RAB3IL1: variants seen among roughly 807,000 people sequenced by gnomAD.
RAB3IL1 encodes RAB3A interacting protein like 1, also known as guanine nucleotide exchange factor for Rab-3A.
In RAB3IL1, 37 loss-of-function variants were observed where a neutral mutation model predicts 49.2. The observed-to-expected ratio is 0.75, with a 90% CI of 0.58 to 0.99. RAB3IL1 has a LOEUF of 0.99. Ranked by LOEUF, RAB3IL1 falls within the 50% of genes least tolerant of loss-of-function variation. RAB3IL1 has a pLI of 0.00. For missense variants in RAB3IL1, 484 were observed against 513.0 expected (o/e 0.94, Z 0.55); for synonymous variants, 193 against 213.9 (o/e 0.90, Z 0.85).
In RAB3IL1 at chr11:61,912,684, C is replaced by T. The variant is rs550596750; in HGVS notation, c.12-4378G>A. ...AACTGAATGCAGAGTACAGGCATAG[C>T]GTATCACGTGGCCTGTCACCCAGAG... On this transcript the variant is annotated intron_variant, in intron 1 of 9. Coordinates refer to ENST00000394836, the MANE Select transcript of RAB3IL1 (RefSeq NM_013401.4). Among the ~76,000 whole-genome samples, 78 of 152,220 alleles carry T rather than the reference C, an allele frequency of 5.1e-4. 1 individual carries two copies. Among genetic ancestry groups the T allele is most frequent in the Non-Finnish European group, 2.9e-5 (2 of 68,026 alleles).
intron 1 of RAB3IL1, among the ~76,000 whole-genome samples, chr11:61,910,944 C>G (rs1939428236): frequency 6.6e-6 from 1 of 152,242 alleles, no homozygotes; most frequent in Non-Finnish European, 1.5e-5. Flanking sequence ...CGAGGAGAAC[C>G]AGGCTGCCGG....
chr11:61,898,194 G>T lies in RAB3IL1; in HGVS notation c.*84C>A. The T allele has an allele frequency of 7.5e-7, 1 of 1,327,708 alleles. No individual in the cohort carries two copies. Among genetic ancestry groups the T allele is most frequent in the Non-Finnish European group, 1.1e-6 (1 of 942,254 alleles). 82.2% of individuals were successfully genotyped at this position (1,327,708 alleles called of 1,614,324 possible). A position where few individuals can be genotyped will look rare whatever the true frequency, so the allele number is the denominator to read the frequency against. On this transcript the variant is annotated 3_prime_UTR_variant, in exon 10 of 10. Transcript: ENST00000394836. This position sits in a 1 kb window ranked among gnomAD's most constrained non-coding sequence, Gnocchi z 5.1. The stretch of plus-strand genomic sequence containing the variant: ...TGCCTCTGGCTCAGGGCTGGCTCCA[G>T]GCCCCCGTCTCCCTGTGTGTCGGCT...
intron 1 of RAB3IL1, among the ~76,000 whole-genome samples, chr11:61,913,250 G>T (rs1939538390): frequency 1.3e-5 from 2 of 152,140 alleles, no homozygotes; most frequent in East Asian, 3.8e-4. Context: ...GGGACCCGGG[G>T]ATGAAAGAGA....
At chr11:61,937,822 A>G in the RAB3IL1 span, 1 of 152,176 alleles carries the variant, frequency 6.6e-6, no homozygotes, top group East Asian at 1.9e-4. Flanking sequence ...CATTAACTGT[A>G]AATGGATTGA....
chr11:61,903,828 T>G (rs915832198), intron 7 of RAB3IL1, among the ~76,000 whole-genome samples: 1 of 152,026 alleles, frequency 6.6e-6, no homozygotes, highest in African/African-American at 2.4e-5. Flanking sequence ...CCCGGCCTAT[T>G]GATGACTTTT....
rs1251045697 is a variant in RAB3IL1 at position 61,902,561 on chromosome 11, G to A, written c.900-20C>T. 5.7e-6 allele frequency: 9 copies of A among 1,580,896 alleles called. No individual in the cohort carries two copies. The highest frequency in any genetic ancestry group is 3.7e-5 in the Admixed American group (2 of 53,370). The stretch of plus-strand genomic sequence containing the variant: ...CATGTGCTAGGGGAAAGCAAAATGG[G>A]TCACGGGGGCTGGCTGGGGCTTGCC... On this transcript the variant is annotated intron_variant, in intron 7 of 9. Coordinates refer to ENST00000394836, the MANE Select transcript of RAB3IL1 (RefSeq NM_013401.4).
chr11:61,899,436 G>T, intron 8 of RAB3IL1, 56 bp from the exon 9 acceptor site: 1 of 1,546,222 alleles, frequency 6.5e-7, no homozygotes. Flanking sequence ...GGGGTCCCCT[G>T]ACAGGCGGAT....
intron 1 of RAB3IL1, among the ~76,000 whole-genome samples, chr11:61,909,079 C>T (rs765581622): frequency 1.4e-4 from 21 of 152,182 alleles, no homozygotes; most frequent in Non-Finnish European, 1.9e-4. Flanking sequence ...GAAGGGAGGG[C>T]GAGGGCCCGG....
In RAB3IL1 at chr11:61,908,156, G is replaced by T; in HGVS notation, c.162C>A (p.Pro54=). 6.4e-7 allele frequency: 1 copy of T among 1,569,378 alleles called. No individual in the cohort carries two copies. ...GCAACACGTCCAGCTGGGCGGCTGC[G>T]GGGCCCTCCTGGCCTTGGGCCTCCT... ...AGEEAQGQEG[P]AAAQLDVLRL... Residue 54 remains proline, a synonymous_variant, in exon 2 of 10, where the codon CCC becomes CCA. Coordinates refer to ENST00000394836, the MANE Select transcript of RAB3IL1 (RefSeq NM_013401.4).
At chr11:61,920,109 G>A (rs1266997681), upstream of RAB3IL1, 1 of 1,344,212 alleles carries the variant, frequency 7.4e-7, no homozygotes, top group Admixed American at 2.7e-5. Context: ...ATGGGGCGTA[G>A]CGGACAGTCC....
rs533149015 is a variant in RAB3IL1 at position 61,910,128 on chromosome 11, C to T, written c.12-1822G>A. Among the ~76,000 whole-genome samples the T allele has an allele frequency of 1.6e-4, 25 of 152,314 alleles. No individual in the cohort carries two copies. The South Asian group carries it at 2.9e-3, about 18-fold the overall frequency. ...GAGTGAAGGGACTTGTCAGGGGTCA[C>T]GCAGCTGGTCAGTGACAGTGCTGGG... is the stretch of plus-strand genomic sequence containing the variant. On this transcript the variant is annotated intron_variant, in intron 1 of 9. Coordinates refer to ENST00000394836, the MANE Select transcript of RAB3IL1 (RefSeq NM_013401.4).
upstream of RAB3IL1, among the ~76,000 whole-genome samples, chr11:61,918,510 C>A (rs1939805832): frequency 6.6e-6 from 1 of 152,234 alleles, no homozygotes; most frequent in Non-Finnish European, 1.5e-5. Flanking sequence ...TTCATTCATT[C>A]TACTCATTCA....
At chr11:61,932,811 G>A in the RAB3IL1 span, among the ~76,000 whole-genome samples, 85 of 126,576 alleles carry the variant, frequency 6.7e-4, no homozygotes, top group Non-Finnish European at 7.0e-4. Flanking sequence ...TCACTCTATC[G>A]CCCAGGCTGG....
intron 7 of RAB3IL1, among the ~76,000 whole-genome samples, chr11:61,903,914 T>A (rs1326793990): frequency 6.6e-6 from 1 of 152,034 alleles, no homozygotes; most frequent in Non-Finnish European, 1.5e-5. Context: ...CTCTGCAGCC[T>A]CCACCCCAAT....
upstream of RAB3IL1, among the ~76,000 whole-genome samples, chr11:61,922,534 AAAG>A (rs759973886): frequency 2.4e-4 from 36 of 152,212 alleles, no homozygotes; most frequent in East Asian, 3.3e-3. Flanking sequence ...GAAAAAAAAA[AAAG>A]AAGAAGAAGA....
the RAB3IL1 span, among the ~76,000 whole-genome samples, chr11:61,942,529 C>T: frequency 6.6e-6 from 1 of 152,166 alleles, no homozygotes; most frequent in Non-Finnish European, 1.5e-5. Flanking sequence ...CCTCCTTGGT[C>T]TCCCCAAATG....
chr11:61,922,517 C>T (rs1290548272), upstream of RAB3IL1, among the ~76,000 whole-genome samples: 3 of 151,710 alleles, frequency 2.0e-5, no homozygotes, highest in Non-Finnish European at 4.4e-5. Context: ...AGCCAAACTC[C>T]GTCTTGGAAA....
At chr11:61,921,428 C>T (rs1182196441), upstream of RAB3IL1, among the ~76,000 whole-genome samples, 2 of 152,204 alleles carry the variant, frequency 1.3e-5, no homozygotes, top group Non-Finnish European at 2.9e-5. Context: ...GCCCATTCCT[C>T]TTCTTTCCAC....
the RAB3IL1 span, among the ~76,000 whole-genome samples, chr11:61,934,446 G>GTGTGTATATATATA: frequency 4.1e-5 from 1 of 24,400 alleles, no homozygotes; most frequent in African/African-American, 8.1e-5. Context: ...GTGTGTGTGT[G>GTGTGTATATATATA]TATGTATATA....
Sources: allele counts gnomAD v4.1 joint callset (sites outside exome capture counted in the v4.1 genomes callset), GRCh38; gene constraint gnomAD v4.1.1; non-coding constraint Gnocchi (gnomAD v3.1); transcripts MANE v1.5; gene names NCBI Gene and HGNC (gene_info 2026-07-23, HGNC 2026-07-21).